Variants in CDH13 observed in about 807,000 individuals in gnomAD.
CDH13 encodes cadherin 13.
A neutral mutation model predicts 63.8 loss-of-function variants in CDH13; 24 were observed. The ratio of observed to expected loss-of-function variants is 0.38; its 90% confidence interval spans 0.27 to 0.53. The LOEUF (loss-of-function observed/expected upper bound fraction) is 0.53. Among genes scored for constraint, CDH13 ranks in the 20% least tolerant of loss-of-function variants. CDH13 has a pLI of 0.85. For synonymous variants in CDH13, 503 were observed against 355.3 expected (o/e 1.42, Z -4.67); for missense variants, 1,049 against 903.1 (o/e 1.16, Z -2.07).
chr16:82,786,348 A>G (rs1211019169), intron 1 of CDH13, among the ~76,000 whole-genome samples: 1 of 152,100 alleles, frequency 6.6e-6, no homozygotes, highest in African/African-American at 2.4e-5. Flanking sequence ...ACACTATCCC[A>G]ATGAAAACGT....
chr16:83,388,081 A>G (rs1415518905), intron 6 of CDH13, among the ~76,000 whole-genome samples: 1 of 152,102 alleles, frequency 6.6e-6, no homozygotes, highest in Non-Finnish European at 1.5e-5. Context: ...AGAATCCGGC[A>G]TTGACACCCT....
chr16:82,639,631 C>A (rs1355931395), intron 1 of CDH13, among the ~76,000 whole-genome samples: 1 of 152,180 alleles, frequency 6.6e-6, no homozygotes, highest in South Asian at 2.1e-4. Flanking sequence ...TATAGAGACA[C>A]CTGGATCTAT....
At chr16:83,484,023 G>C (rs2073832139) in intron 6 of CDH13, among the ~76,000 whole-genome samples, 1 of 152,190 alleles carries the variant, frequency 6.6e-6, no homozygotes. Context: ...AAAGAAGCTA[G>C]GTGGATAGGA....
chr16:83,536,700 G>A (rs1176702234), intron 7 of CDH13, among the ~76,000 whole-genome samples: 3 of 152,210 alleles, frequency 2.0e-5, no homozygotes, highest in South Asian at 2.1e-4. Flanking sequence ...GGGAGATGGA[G>A]AAGGAGATAA....
At chr16:82,959,304 A>C (rs1046749386) in intron 2 of CDH13, among the ~76,000 whole-genome samples, 1 of 152,238 alleles carries the variant, frequency 6.6e-6, no homozygotes, top group Non-Finnish European at 1.5e-5. Flanking sequence ...CATTTCACTC[A>C]AACCTGCATG....
intron 5 of CDH13, among the ~76,000 whole-genome samples, chr16:83,315,389 A>T (rs764259437): frequency 4.6e-5 from 7 of 152,240 alleles, no homozygotes; most frequent in Non-Finnish European, 1.0e-4. Flanking sequence ...GCTAAACAGT[A>T]GTGCAGAACC....
chr16:83,313,987 G>C (rs1235599006), intron 5 of CDH13, among the ~76,000 whole-genome samples: 2 of 152,118 alleles, frequency 1.3e-5, no homozygotes, highest in African/African-American at 2.4e-5. Flanking sequence ...GTATTTTCCA[G>C]CACACAAATC....
intron 6 of CDH13, among the ~76,000 whole-genome samples, chr16:83,363,370 G>A (rs912331681): frequency 2.0e-5 from 3 of 152,218 alleles, no homozygotes; most frequent in Admixed American, 2.0e-4. Flanking sequence ...GAGTATGCAT[G>A]TGTGCAAGTA....
At chr16:83,694,628 G>A (rs1161168822) in intron 10 of CDH13, among the ~76,000 whole-genome samples, 10 of 152,168 alleles carry the variant, frequency 6.6e-5, no homozygotes, top group Admixed American at 5.9e-4. Flanking sequence ...GAGTGTCTCT[G>A]TCACAAAGCA....
At chr16:83,108,938 G>A (rs892278135) in intron 3 of CDH13, among the ~76,000 whole-genome samples, 1 of 152,110 alleles carries the variant, frequency 6.6e-6, no homozygotes, top group Non-Finnish European at 1.5e-5. Flanking sequence ...ACTTGTTAAT[G>A]CTTCCCTCAT....
intron 6 of CDH13, among the ~76,000 whole-genome samples, chr16:83,450,956 C>T (rs940986552): frequency 3.3e-5 from 5 of 152,132 alleles, no homozygotes; most frequent in Admixed American, 3.3e-4. Flanking sequence ...CCCTGGAGGG[C>T]TTGTGAAAAT....
intron 1 of CDH13, among the ~76,000 whole-genome samples, chr16:82,700,510 A>T (rs1459469441): frequency 1.8e-5 from 2 of 112,492 alleles, no homozygotes; most frequent in African/African-American, 3.5e-5. Context: ...TACAAGAATT[A>T]GGGCTAGTAA....
At chr16:83,212,666 A>G (rs2039374525) in intron 4 of CDH13, among the ~76,000 whole-genome samples, 1 of 152,206 alleles carries the variant, frequency 6.6e-6, no homozygotes, top group Admixed American at 6.5e-5. Flanking sequence ...GGAAACCAGC[A>G]TCAGTGATAC....
intron 6 of CDH13, among the ~76,000 whole-genome samples, chr16:83,414,571 A>G (rs558579565): frequency 6.6e-6 from 1 of 151,900 alleles, no homozygotes; most frequent in African/African-American, 2.4e-5. Context: ...GTATCTCTCA[A>G]GTTTTCCCTC....
intron 7 of CDH13, among the ~76,000 whole-genome samples, chr16:83,490,396 A>T (rs1246947053): frequency 6.6e-6 from 1 of 152,180 alleles, no homozygotes; most frequent in African/African-American, 2.4e-5. Flanking sequence ...ATAGTCACAC[A>T]GGGCAGTGTA....
chr16:82,681,696 C>A (rs114784290), intron 1 of CDH13, among the ~76,000 whole-genome samples: 1 of 152,216 alleles, frequency 6.6e-6, no homozygotes, highest in African/African-American at 2.4e-5. Context: ...CAGTAGCCAG[C>A]GCCTGCCTGT....
At chr16:82,686,764 C>A (rs1034647133) in intron 1 of CDH13, among the ~76,000 whole-genome samples, 1 of 152,102 alleles carries the variant, frequency 6.6e-6, no homozygotes, top group East Asian at 1.9e-4. Flanking sequence ...TCAAGAAGAG[C>A]CTTTATAAAT....
At chr16:82,865,141 A>G (rs1247763042) in intron 2 of CDH13, among the ~76,000 whole-genome samples, 1 of 152,010 alleles carries the variant, frequency 6.6e-6, no homozygotes, top group African/African-American at 2.4e-5. Flanking sequence ...GTACAGCCCC[A>G]CTCCCAGCTG....
At chr16:83,008,883 G>A (rs1187444297) in intron 2 of CDH13, among the ~76,000 whole-genome samples, 1 of 152,174 alleles carries the variant, frequency 6.6e-6, no homozygotes, top group African/African-American at 2.4e-5. Context: ...CATGGCTGGG[G>A]AGGTCTCAGG....
Sources: gnomAD v4.1 joint callset for allele counts (sites outside exome capture counted in the v4.1 genomes callset) on GRCh38, gnomAD v4.1.1 for gene constraint, MANE v1.5 for transcripts, NCBI Gene and HGNC (gene_info 2026-07-23, HGNC 2026-07-21) for gene names.